The following KCNT2 variants were observed in gnomAD, a reference collection of about 807,000 sequenced individuals.
KCNT2 encodes potassium channel subfamily T member 2.
KCNT2 carries 67 observed loss-of-function variants against 153.8 expected under a neutral mutation model. That is an observed-to-expected ratio of 0.44 (90% CI 0.36 to 0.53). KCNT2 has a LOEUF of 0.53. Among genes scored for constraint, KCNT2 ranks in the 20% least tolerant of loss-of-function variants. The pLI is 0.00. For missense variants in KCNT2, 975 were observed against 1,354.8 expected, an observed-to-expected ratio of 0.72 and a Z score of 4.40; for synonymous variants, 500 against 458.8, an observed-to-expected ratio of 1.09 and a Z score of -1.15.
At position 196,394,304 on chromosome 1, in the gene KCNT2, G is replaced by A. The variant is rs976395252; in HGVS notation, c.1294+4259C>T. Among the ~76,000 whole-genome samples the A allele has an allele frequency of 4.6e-5, 7 of 151,500 alleles. No homozygotes were observed. In the South Asian group the frequency reaches 1.0e-3, roughly 22 times the overall value. ...TACAACATGTGAATACCCAGAAAAAGATGAAAAGGGACTCTTTTGAAATAG... is the reference window on the plus strand; with the variant it reads ...TACAACATGTGAATACCCAGAAAAAAATGAAAAGGGACTCTTTTGAAATAG... On this transcript the variant is annotated intron_variant, in intron 13 of 27. Transcript: ENST00000294725.
At chr1:196,596,548 T>C (rs1044202968) in intron 1 of KCNT2, among the ~76,000 whole-genome samples, 4 of 152,190 alleles carry the variant, frequency 2.6e-5, no homozygotes, top group Non-Finnish European at 5.9e-5. Context: ...TGTCTATTCA[T>C]GTCCTTTGCC....
chr1:196,341,704 AT>A (rs546215845), intron 15 of KCNT2, among the ~76,000 whole-genome samples: 1 of 151,230 alleles, frequency 6.6e-6, no homozygotes, highest in East Asian at 1.9e-4. Context: ...ACCATCAGAG[AT>A]TTTTTTTTCA....
chr1:196,346,527 C>T (rs903519403), intron 14 of KCNT2, among the ~76,000 whole-genome samples: 2 of 152,062 alleles, frequency 1.3e-5, no homozygotes, highest in African/African-American at 4.8e-5. Flanking sequence ...TCACTAATAG[C>T]ACACTATTTC....
intron 1 of KCNT2, among the ~76,000 whole-genome samples, chr1:196,542,216 T>C (rs1233216696): frequency 6.6e-6 from 1 of 152,154 alleles, no homozygotes; most frequent in African/African-American, 2.4e-5. Flanking sequence ...ATATAGTTTC[T>C]AAAATGAGCT....
chr1:196,478,144 C>T (rs1005467850), intron 5 of KCNT2, among the ~76,000 whole-genome samples: 3 of 152,176 alleles, frequency 2.0e-5, no homozygotes, highest in Non-Finnish European at 4.4e-5. Context: ...TCCTTCTCTT[C>T]GCCTATCTCA....
chr1:196,600,168 A>AC (rs1664557573), intron 1 of KCNT2, among the ~76,000 whole-genome samples: 1 of 152,156 alleles, frequency 6.6e-6, no homozygotes, highest in Non-Finnish European at 1.5e-5. Context: ...AGCTACAGAG[A>AC]ATCCAACATC....
chr1:196,450,419 C>T (rs1480955652), intron 8 of KCNT2, among the ~76,000 whole-genome samples: 1 of 151,916 alleles, frequency 6.6e-6, no homozygotes, highest in African/African-American at 2.4e-5. Flanking sequence ...GGCTATTTAA[C>T]ATCTCCCCTT....
At chr1:196,399,897 C>A (rs1377635582) in intron 12 of KCNT2, among the ~76,000 whole-genome samples, 1 of 151,808 alleles carries the variant, frequency 6.6e-6, no homozygotes, top group Non-Finnish European at 1.5e-5. Flanking sequence ...GGAAGCCAGT[C>A]TTTATCAGAC....
chr1:196,451,434 G>GTTTTTT (rs1557952237), intron 8 of KCNT2, among the ~76,000 whole-genome samples: 13 of 103,802 alleles, frequency 1.3e-4, no homozygotes, highest in East Asian at 8.6e-4. Context: ...TTTTTTTTTG[G>GTTTTTT]ATTTTAGTAG....
chr1:196,274,694 A>G lies in KCNT2; in HGVS notation c.2910+6166T>C, dbSNP rs184714688. Reference sequence around the variant, plus strand: ...AGCTACAAGATTTATTCACTATAAAAGTGGCCAAAATTCAGGGTAACACAT... The same window carrying G: ...AGCTACAAGATTTATTCACTATAAAGGTGGCCAAAATTCAGGGTAACACAT... On this transcript the variant is annotated intron_variant, in intron 25 of 27. Transcript: ENST00000294725. 7.9e-5 allele frequency among the ~76,000 whole-genome samples: 12 copies of G among 151,996 alleles called. No homozygotes were observed. In the East Asian group the frequency reaches 2.1e-3, roughly 27 times the overall value.
intron 22 of KCNT2, among the ~76,000 whole-genome samples, chr1:196,294,056 C>T (rs916315015): frequency 6.6e-6 from 1 of 152,014 alleles, no homozygotes; most frequent in Non-Finnish European, 1.5e-5. Context: ...TACAGAAACA[C>T]CTCTCAAAAG....
chr1:196,338,893 A>G (rs1665300259), intron 16 of KCNT2, among the ~76,000 whole-genome samples: 1 of 149,638 alleles, frequency 6.7e-6, no homozygotes, highest in South Asian at 2.1e-4. Flanking sequence ...GGGTGGTGAA[A>G]AGTCAGAATG....
chr1:196,445,147 G>C (rs1316336317), intron 8 of KCNT2, among the ~76,000 whole-genome samples: 1 of 151,240 alleles, frequency 6.6e-6, no homozygotes, highest in Admixed American at 6.6e-5. Flanking sequence ...TATGTTTAAA[G>C]ATATGTTCAC....
chr1:196,274,559 G>GTCT (rs1266773429), intron 25 of KCNT2, among the ~76,000 whole-genome samples: 1 of 151,534 alleles, frequency 6.6e-6, no homozygotes, highest in Non-Finnish European at 1.5e-5. Flanking sequence ...TTTATAATAG[G>GTCT]TAAATTTGTA....
chr1:196,454,982 A>C (rs1676532596), intron 8 of KCNT2, among the ~76,000 whole-genome samples: 1 of 151,934 alleles, frequency 6.6e-6, no homozygotes, highest in African/African-American at 2.4e-5. Flanking sequence ...GGACTAAAGT[A>C]CTGTTTCCTC....
intron 12 of KCNT2, among the ~76,000 whole-genome samples, chr1:196,419,315 A>T (rs1673001712): frequency 8.5e-6 from 1 of 117,456 alleles, no homozygotes; most frequent in African/African-American, 3.4e-5. Context: ...TCCTAATGCT[A>T]TCCCTCCCCC....
chr1:196,339,755 G>A (rs962226271), intron 16 of KCNT2, among the ~76,000 whole-genome samples: 1 of 152,010 alleles, frequency 6.6e-6, no homozygotes, highest in Non-Finnish European at 1.5e-5. Flanking sequence ...AGATGGTTTG[G>A]AGGCCAAACC....
intron 22 of KCNT2, among the ~76,000 whole-genome samples, chr1:196,298,586 C>T (rs1169441224): frequency 6.6e-6 from 1 of 151,822 alleles, no homozygotes; most frequent in Non-Finnish European, 1.5e-5. Flanking sequence ...GCAATCCAAG[C>T]CTTATTTTTC....
intron 24 of KCNT2, 128 bp from the exon 25 acceptor site, chr1:196,281,116 G>GCAA: frequency 1.5e-6 from 1 of 668,760 alleles, no homozygotes; most frequent in Non-Finnish European, 2.5e-6. Context: ...AGGCTACAGT[G>GCAA]CAACGGTGCA....
Sources: allele counts gnomAD v4.1 joint callset (sites outside exome capture counted in the v4.1 genomes callset), GRCh38; gene constraint gnomAD v4.1.1; transcripts MANE v1.5; gene names NCBI Gene and HGNC (gene_info 2026-07-23, HGNC 2026-07-21).